PRDM11: variants seen among roughly 807,000 people sequenced by gnomAD.
PRDM11 encodes the protein PR domain-containing protein 11.
Under a neutral mutation model 97.8 loss-of-function variants are expected in PRDM11, and 20 were observed. The observed-to-expected ratio is 0.20, with a 90% CI of 0.14 to 0.30. The LOEUF is 0.30. Among genes scored for constraint, PRDM11 ranks in the 10% least tolerant of loss-of-function variants. PRDM11 has a pLI of 1.00. For synonymous variants in PRDM11, 599 were observed against 637.7 expected (o/e 0.94, Z 0.91); for missense variants, 1,139 against 1,555.2 (o/e 0.73, Z 4.50).
In PRDM11 at chr11:45,204,872, G is replaced by C. The variant is rs181624904; in HGVS notation, c.554+94G>C. The C allele has an allele frequency of 2.6e-5, 34 of 1,292,662 alleles. No homozygotes were observed. In the African/African-American group the frequency reaches 4.1e-4, roughly 16 times the overall value. 80.1% of individuals were successfully genotyped at this position (1,292,662 alleles called of 1,614,324 possible). A position where few individuals can be genotyped will look rare whatever the true frequency, so the allele number is the denominator to read the frequency against. ...TGGACCTGTGGGAGCTCCAGTGGTG[G>C]AGACTTCTGGAGGCTGCCGTTTGCA... On this transcript the variant is annotated intron_variant, in intron 5 of 7. Coordinates refer to ENST00000683152, the MANE Select transcript of PRDM11 (RefSeq NM_001384648.1).
intron 1 of PRDM11, among the ~76,000 whole-genome samples, chr11:45,181,433 G>A (rs1364688191): frequency 6.6e-6 from 1 of 152,238 alleles, no homozygotes; most frequent in Non-Finnish European, 1.5e-5. Flanking sequence ...CCAGGCTCAT[G>A]TGGGATCCTC....
At chr11:45,187,009 A>C (rs1293363378) in intron 4 of PRDM11, among the ~76,000 whole-genome samples, 9 of 152,076 alleles carry the variant, frequency 5.9e-5, no homozygotes, top group African/African-American at 2.2e-4. Context: ...ACATACACAG[A>C]GCAACTCCAG....
chr11:45,100,768 T>C (rs1158731449), intron 1 of PRDM11, among the ~76,000 whole-genome samples: 1 of 152,228 alleles, frequency 6.6e-6, no homozygotes, highest in Non-Finnish European at 1.5e-5. Flanking sequence ...CCGCCTTTTA[T>C]TGAACACTTA....
intron 4 of PRDM11, among the ~76,000 whole-genome samples, chr11:45,196,722 G>A (rs1853135580): frequency 6.6e-6 from 1 of 152,178 alleles, no homozygotes; most frequent in Non-Finnish European, 1.5e-5. Context: ...CAGGGTAGCG[G>A]GTGGTTGGTC....
At chr11:45,208,455 A>G (rs942004373) in intron 5 of PRDM11, among the ~76,000 whole-genome samples, 7 of 152,222 alleles carry the variant, frequency 4.6e-5, no homozygotes, top group Non-Finnish European at 5.9e-5. Flanking sequence ...CCTAATTTCA[A>G]TAAGATCCTT....
At chr11:45,147,063 C>T (rs1354552350) in intron 1 of PRDM11, among the ~76,000 whole-genome samples, 186 bp downstream of exon 1, 2 of 146,952 alleles carry the variant, frequency 1.4e-5, no homozygotes, top group Non-Finnish European at 3.0e-5. Context: ...GGGTGGGGGG[C>T]GGCCCGCCGT....
In PRDM11 at chr11:45,196,006, G is replaced by T. The variant is rs527423079; in HGVS notation, c.487-8705G>T. Among the ~76,000 whole-genome samples, 9 of 152,232 alleles carry T rather than the reference G, an allele frequency of 5.9e-5. No homozygotes were observed. In the East Asian group the frequency reaches 1.7e-3, roughly 29 times the overall value. ...AACATTTGTGTACAAGTTTCCATGC[G>T]GACACGTGTTTTTATTTCTTTCGGG... On this transcript the variant is annotated intron_variant, in intron 4 of 7. Transcript: ENST00000683152.
intron 1 of PRDM11, among the ~76,000 whole-genome samples, chr11:45,174,146 T>A (rs1448575186): frequency 6.6e-6 from 1 of 152,232 alleles, no homozygotes; most frequent in African/African-American, 2.4e-5. Context: ...AGTATGAGTC[T>A]GTACTCTTTG....
chr11:45,095,308 C>T (rs971458986), upstream of PRDM11, among the ~76,000 whole-genome samples: 1 of 152,162 alleles, frequency 6.6e-6, no homozygotes, highest in East Asian at 1.9e-4. Context: ...CCTCCACACC[C>T]ACCTCCTCCT....
chr11:45,189,807 G>T (rs1852843752), intron 4 of PRDM11, among the ~76,000 whole-genome samples: 1 of 152,190 alleles, frequency 6.6e-6, no homozygotes, highest in Non-Finnish European at 1.5e-5. Flanking sequence ...CAGTTGCAGT[G>T]CTATGACATG....
intron 1 of PRDM11, among the ~76,000 whole-genome samples, chr11:45,128,500 G>A (rs905339820): frequency 1.0e-4 from 15 of 147,794 alleles, no homozygotes; most frequent in African/African-American, 3.0e-4. Flanking sequence ...TACACCCCGC[G>A]CACCCCCCCT....
chr11:45,182,809 T>C, intron 3 of PRDM11, 52 bp from the exon 4 acceptor site: 1 of 1,522,002 alleles, frequency 6.6e-7, no homozygotes, highest in Non-Finnish European at 8.8e-7. Flanking sequence ...CCCATGGGGG[T>C]CTTACCTCCC....
chr11:45,127,386 C>T (rs1350648272), intron 1 of PRDM11, among the ~76,000 whole-genome samples: 14 of 152,234 alleles, frequency 9.2e-5, no homozygotes, highest in African/African-American at 2.9e-4. Context: ...TGAGGAGCTG[C>T]GTTCCTTTGG....
chr11:45,119,381 A>G (rs570826229), intron 1 of PRDM11, among the ~76,000 whole-genome samples: 2 of 152,204 alleles, frequency 1.3e-5, no homozygotes, highest in East Asian at 3.9e-4. Flanking sequence ...TAATCCCAGC[A>G]CTTTGGGAGG....
chr11:45,172,472 C>T (rs377453069), intron 1 of PRDM11, among the ~76,000 whole-genome samples: 5 of 152,084 alleles, frequency 3.3e-5, no homozygotes, highest in South Asian at 2.1e-4. Context: ...AGGTATGATC[C>T]GGTGGGGCTC....
chr11:45,212,557 C>G (rs1298683963), intron 5 of PRDM11: 2 of 456,032 alleles, frequency 4.4e-6, no homozygotes, highest in Non-Finnish European at 8.8e-6. Context: ...CCCACCTGGC[C>G]AGGCCCGCCC....
At chr11:45,102,542 G>A (rs1045558401) in intron 1 of PRDM11, among the ~76,000 whole-genome samples, 2 of 152,168 alleles carry the variant, frequency 1.3e-5, no homozygotes, top group South Asian at 4.1e-4. Context: ...GAGTAGAAGA[G>A]CAATAACGTC....
upstream of PRDM11, chr11:45,095,775 G>T (rs779264237): frequency 4.2e-6 from 3 of 719,988 alleles, no homozygotes; most frequent in Non-Finnish European, 7.7e-6. Flanking sequence ...TACAGCTGGG[G>T]CACCCATTTC....
chr11:45,127,676 T>C (rs1403573344), intron 1 of PRDM11, among the ~76,000 whole-genome samples: 1 of 152,208 alleles, frequency 6.6e-6, no homozygotes, highest in Non-Finnish European at 1.5e-5. Flanking sequence ...CGGGTTTTCA[T>C]GAACCGCAAA....
Sources: allele counts gnomAD v4.1 joint callset (sites outside exome capture counted in the v4.1 genomes callset), GRCh38; gene constraint gnomAD v4.1.1; transcripts MANE v1.5; gene names NCBI Gene and HGNC (gene_info 2026-07-23, HGNC 2026-07-21).